Variants in ERICH3 observed in about 807,000 individuals in gnomAD.
The protein encoded by ERICH3 is glutamate rich 3.
ERICH3 carries 126 observed loss-of-function variants against 131.1 expected under a neutral mutation model. That is an observed-to-expected ratio of 0.96 (90% confidence interval 0.83 to 1.11). The LOEUF (loss-of-function observed/expected upper bound fraction) is 1.11, where lower values mean the gene tolerates loss of function less well. Among genes scored for constraint, ERICH3 ranks in the 50% most tolerant of loss-of-function variants. The pLI is 0.00. For synonymous variants in ERICH3, 695 were observed against 644.6 expected (o/e 1.08, Z -1.18); for missense variants, 2,050 against 1,810.7 (o/e 1.13, Z -2.40).
At chr1:74,656,541 A>G (rs1646586411) in intron 1 of ERICH3, among the ~76,000 whole-genome samples, 1 of 152,194 alleles carries the variant, frequency 6.6e-6, no homozygotes, top group Non-Finnish European at 1.5e-5. Flanking sequence ...TATAAGATAC[A>G]TGACCCTCAA....
intron 11 of ERICH3, chr1:74,592,379 C>T (rs1647649391): frequency 6.6e-6 from 1 of 152,092 alleles, no homozygotes; most frequent in South Asian, 2.1e-4. Flanking sequence ...ATGAACTCCC[C>T]TTTCCCTTCA....
chr1:74,597,563 C>A (rs911781726), intron 11 of ERICH3, among the ~76,000 whole-genome samples: 1 of 151,850 alleles, frequency 6.6e-6, no homozygotes, highest in African/African-American at 2.4e-5. Context: ...TACAACGTTG[C>A]TAATTATAGA....
chr1:74,631,609 T>C, intron 7 of ERICH3, 104 bp downstream of exon 7: 1 of 913,292 alleles, frequency 1.1e-6, no homozygotes, highest in East Asian at 2.5e-5. Flanking sequence ...ACACAACGTT[T>C]TGCATGCAAT....
intron 12 of ERICH3, among the ~76,000 whole-genome samples, chr1:74,585,013 A>G (rs1050201912): frequency 1.3e-5 from 2 of 152,228 alleles, no homozygotes; most frequent in South Asian, 4.1e-4. Context: ...GTCAAGCACT[A>G]TGACTTTTCC....
At chr1:74,613,984 G>C (rs1648824627) in intron 8 of ERICH3, among the ~76,000 whole-genome samples, 1 of 152,142 alleles carries the variant, frequency 6.6e-6, no homozygotes, top group African/African-American at 2.4e-5. Context: ...TACTACAATA[G>C]ACTAAGATGT....
intron 11 of ERICH3, among the ~76,000 whole-genome samples, chr1:74,592,460 A>T (rs895568626): frequency 3.0e-4 from 45 of 152,280 alleles, no homozygotes; most frequent in Admixed American, 6.5e-4. Context: ...AATGGCTTTC[A>T]TTAATTACAT....
intron 10 of ERICH3, among the ~76,000 whole-genome samples, chr1:74,604,008 A>G (rs550575832): frequency 6.6e-6 from 1 of 151,916 alleles, no homozygotes; most frequent in Non-Finnish European, 1.5e-5. Flanking sequence ...ATGCTGTTTA[A>G]CAGCATTTAC....
chr1:74,622,817 A>G (rs1649271294), intron 7 of ERICH3: 2 of 152,114 alleles, frequency 1.3e-5, no homozygotes, highest in Non-Finnish European at 2.9e-5. Flanking sequence ...TATCCTTTTC[A>G]TTTCCTCTTA....
At chr1:74,573,518 A>T in intron 13 of ERICH3, 27 bp from the exon 14 acceptor site, 1 of 1,489,706 alleles carries the variant, frequency 6.7e-7, no homozygotes, top group Non-Finnish European at 8.9e-7. Flanking sequence ...AGAAATCAAG[A>T]TTACTTTAAT....
chr1:74,614,856 G>C (rs1648889189), intron 8 of ERICH3, among the ~76,000 whole-genome samples: 1 of 152,146 alleles, frequency 6.6e-6, no homozygotes, highest in South Asian at 2.1e-4. Flanking sequence ...AAATCCTTTT[G>C]TCTTAATGAT....
chr1:74,620,851 C>G lies in ERICH3; in HGVS notation c.883G>C (p.Gly295Arg). ...SNAAITMIYLGKNVHLSSDNP... is the reference protein window; with the variant it reads ...SNAAITMIYLRKNVHLSSDNP... ...TCAGAAGATAGGTGCACATTTTTCC[C>G]CAAATAGATCATTGTAATAGCTGCA... The change falls in exon 8 of 15, where the codon GGG (glycine) becomes CGG (arginine). Residue 295 changes from glycine to arginine, a missense_variant. By Grantham distance (125) the Gly-to-Arg change is moderately radical. Coordinates refer to ENST00000326665, the MANE Select transcript of ERICH3 (RefSeq NM_001002912.5). The G allele has an allele frequency of 6.2e-7, 1 of 1,612,634 alleles. No homozygotes were observed. The highest frequency in any genetic ancestry group is 8.5e-7 in the Non-Finnish European group (1 of 1,179,154).
At chr1:74,598,078 A>G (rs1647941245) in intron 11 of ERICH3, among the ~76,000 whole-genome samples, 1 of 151,804 alleles carries the variant, frequency 6.6e-6, no homozygotes, top group South Asian at 2.1e-4. Flanking sequence ...TTCTTTTACC[A>G]TGAAAGTCTA....
Position 74,572,498 on chromosome 1 carries a change from C to T in ERICH3, c.3212G>A (p.Arg1071Lys), listed in dbSNP as rs1646971764. 3 of 1,613,980 alleles carry T rather than the reference C, an allele frequency of 1.9e-6. No homozygotes were observed. Among genetic ancestry groups the T allele is most frequent in the African/African-American group, 1.3e-5 (1 of 74,894 alleles). Residue 1071 changes from arginine (R) to lysine (K), a missense_variant, in exon 14 of 15, where the codon AGG becomes AAG. Transcript: ENST00000326665. ...RKAERPKTSL[R>K]KTDSEREEVT... ...CTCTTCTCTCTCAGAGTCAGTTTTC[C>T]TCAGAGATGTTTTTGGCCTCTCAGC...
intron 6 of ERICH3, chr1:74,634,736 G>C: frequency 1.4e-6 from 1 of 698,576 alleles, no homozygotes; most frequent in Non-Finnish European, 2.6e-6. Flanking sequence ...TGGACTTTGA[G>C]TATTTCTAGT....
intron 9 of ERICH3, among the ~76,000 whole-genome samples, chr1:74,607,224 A>G (rs1048337679): frequency 2.6e-5 from 4 of 152,160 alleles, no homozygotes; most frequent in Middle Eastern, 3.4e-3. Context: ...TTGGTCCTGA[A>G]CAGTAACACA....
In ERICH3 at chr1:74,568,750, G is replaced by A. The variant is rs1056627093; in HGVS notation, c.*1708C>T. The A allele has an allele frequency of 2.0e-5, 3 of 152,102 alleles. No individual in the cohort carries two copies. Among genetic ancestry groups the A allele is most frequent in the African/African-American group, 7.2e-5 (3 of 41,426 alleles). The allele number at this position is 152,102 out of a possible 1,614,324, so 9.4% of individuals were successfully genotyped here. A position where few individuals can be genotyped will look rare whatever the true frequency, so the allele number is the denominator to read the frequency against. ...GGAAAAGACAGAGAGACATAGAGAG[G>A]CAAAGAAAGAAAGTTCAAAATGCCT... On this transcript the variant is annotated 3_prime_UTR_variant, in exon 15 of 15. Transcript: ENST00000326665.
chr1:74,644,402 T>C (rs1156596739), intron 3 of ERICH3, among the ~76,000 whole-genome samples: 3 of 152,098 alleles, frequency 2.0e-5, no homozygotes, highest in Non-Finnish European at 2.9e-5. Context: ...GTCTTCTGGG[T>C]CAAACCTAAT....
chr1:74,639,533 C>T (rs1646419535), intron 5 of ERICH3, among the ~76,000 whole-genome samples: 1 of 152,086 alleles, frequency 6.6e-6, no homozygotes, highest in African/African-American at 2.4e-5. Context: ...ATAAATATGG[C>T]ATTGTAGCTT....
At chr1:74,604,483 C>T (rs574982917) in intron 10 of ERICH3, among the ~76,000 whole-genome samples, 1 of 152,046 alleles carries the variant, frequency 6.6e-6, no homozygotes, top group East Asian at 1.9e-4. Context: ...CCTGATCCAT[C>T]AGAGGAATCA....
Sources: gnomAD v4.1 joint callset for allele counts (sites outside exome capture counted in the v4.1 genomes callset) on GRCh38, gnomAD v4.1.1 for gene constraint, MANE v1.5 for transcripts, NCBI Gene and HGNC (gene_info 2026-07-23, HGNC 2026-07-21) for gene names.